FAM53B: variants seen among roughly 807,000 people sequenced by gnomAD.
The protein encoded by FAM53B is family with sequence similarity 53 member B.
A neutral mutation model predicts 32.7 loss-of-function variants in FAM53B; 12 were observed. The ratio of observed to expected loss-of-function variants is 0.37; its 90% CI spans 0.24 to 0.59. The LOEUF (loss-of-function observed/expected upper bound fraction) is 0.59. FAM53B is among the 20% of genes least tolerant of loss of function. FAM53B has a pLI of 0.72. For missense variants in FAM53B, 477 were observed against 577.7 expected, an observed-to-expected ratio of 0.83 and a Z score of 1.79; for synonymous variants, 234 against 228.7, an observed-to-expected ratio of 1.02 and a Z score of -0.21.
intron 3 of FAM53B, among the ~76,000 whole-genome samples, chr10:124,689,650 AAAG>A (rs1363330594): frequency 1.5e-4 from 23 of 152,360 alleles, no homozygotes; most frequent in Non-Finnish European, 2.8e-4. Context: ...GGGAGGTGAC[AAAG>A]AAGCTACTAA....
intron 4 of FAM53B, among the ~76,000 whole-genome samples, chr10:124,652,784 A>C (rs1275294362): frequency 6.6e-6 from 1 of 152,188 alleles, no homozygotes; most frequent in Non-Finnish European, 1.5e-5. Flanking sequence ...GGAAGGTAGC[A>C]AGAGTACCCA....
intron 4 of FAM53B, among the ~76,000 whole-genome samples, chr10:124,643,797 C>A (rs1212013441): frequency 6.6e-6 from 1 of 152,194 alleles, no homozygotes; most frequent in East Asian, 1.9e-4. Context: ...TGAGGCACAG[C>A]GGTGCACGCT....
chr10:124,631,423 C>A (rs3781470), intron 4 of FAM53B, among the ~76,000 whole-genome samples: 59,190 of 152,024 alleles, frequency 0.39, 11,663 homozygotes, highest in South Asian at 0.47. Context: ...CCTACTATCT[C>A]CCCTGCCAGA....
intron 4 of FAM53B, among the ~76,000 whole-genome samples, chr10:124,633,531 G>A (rs560247444): frequency 1.1e-4 from 16 of 152,278 alleles, no homozygotes; most frequent in Middle Eastern, 3.4e-3. Flanking sequence ...AGACTAGCCC[G>A]TACCATATAA....
At chr10:124,633,962 T>C (rs1949409519) in intron 4 of FAM53B, among the ~76,000 whole-genome samples, 1 of 152,208 alleles carries the variant, frequency 6.6e-6, no homozygotes, top group African/African-American at 2.4e-5. Flanking sequence ...CCAAAAGCAC[T>C]GGTAGGAATG....
At chr10:124,719,721 A>C (rs1367774983) in intron 1 of FAM53B, among the ~76,000 whole-genome samples, 1 of 152,028 alleles carries the variant, frequency 6.6e-6, no homozygotes, top group Admixed American at 6.6e-5. Flanking sequence ...CAGCAGCAAA[A>C]CTCTAAAGCC....
rs1164777716 is a variant in FAM53B, at chr10:124,620,031, GGTTT to G, written c.*3207_*3210del. 2 of 152,318 alleles carry G rather than the reference GGTTT, an allele frequency of 1.3e-5. No individual in the cohort carries two copies. The highest frequency in any genetic ancestry group is 6.5e-5 in the Admixed American group (1 of 15,272). The allele number at this position is 152,318 out of a possible 1,614,324, so 9.4% of individuals were successfully genotyped here. ...GGAGACCCATTTGGAAGTTAGTTAG[GGTTT>G]GTTTTGTTTTCTTTTTAATGTGGAC... On this transcript the variant is annotated 3_prime_UTR_variant, in exon 5 of 5. Transcript: ENST00000337318.
chr10:124,681,534 T>A, intron 4 of FAM53B, 73 bp downstream of exon 4: 4 of 1,351,208 alleles, frequency 3.0e-6, no homozygotes, highest in Non-Finnish European at 4.0e-6. Context: ...AATCTATGCT[T>A]GTCTAGGACG....
chr10:124,645,704 G>A (rs953443934), intron 4 of FAM53B, among the ~76,000 whole-genome samples: 3 of 152,180 alleles, frequency 2.0e-5, no homozygotes, highest in Non-Finnish European at 4.4e-5. Flanking sequence ...CCTCATTCGA[G>A]GGGCTCAGGA....
At chr10:124,718,445 C>G (rs1040396563) in intron 1 of FAM53B, among the ~76,000 whole-genome samples, 3 of 152,220 alleles carry the variant, frequency 2.0e-5, no homozygotes, top group Admixed American at 1.3e-4. Flanking sequence ...ACCACACATT[C>G]GAGAATGCCA....
intron 1 of FAM53B, among the ~76,000 whole-genome samples, chr10:124,713,214 T>C (rs1487310531): frequency 6.6e-6 from 1 of 152,228 alleles, no homozygotes; most frequent in Non-Finnish European, 1.5e-5. Context: ...GCATTATGGT[T>C]GGTAGTATGC....
intron 1 of FAM53B, among the ~76,000 whole-genome samples, chr10:124,721,123 G>C (rs1264531338): frequency 1.3e-5 from 2 of 152,236 alleles, no homozygotes; most frequent in Non-Finnish European, 2.9e-5. Context: ...GATCGCTTGA[G>C]TCCGAGAAGC....
Position 124,717,818 on chromosome 10 carries a change from T to C in FAM53B, c.-174-10931A>G, listed in dbSNP as rs922800965. Among the ~76,000 whole-genome samples the C allele has an allele frequency of 7.2e-5, 11 of 152,332 alleles. No homozygotes were observed. In the East Asian group the frequency reaches 7.7e-4, roughly 11 times the overall value. ...CCAGGAAGTTAGCCAGTGACCAGTTTTGACATCTTCATCTTCTAGGACAAC... is the reference window on the plus strand; with the variant it reads ...CCAGGAAGTTAGCCAGTGACCAGTTCTGACATCTTCATCTTCTAGGACAAC... On this transcript the variant is annotated intron_variant, in intron 1 of 4. Transcript: ENST00000337318.
chr10:124,696,718 G>T (rs570581903), intron 2 of FAM53B, among the ~76,000 whole-genome samples: 2 of 152,138 alleles, frequency 1.3e-5, no homozygotes, highest in African/African-American at 2.4e-5. Flanking sequence ...GGAGAGCTCG[G>T]AAGGGCTGGC....
intron 4 of FAM53B, among the ~76,000 whole-genome samples, chr10:124,635,770 G>A (rs1027372906): frequency 4.6e-5 from 7 of 152,188 alleles, no homozygotes; most frequent in East Asian, 1.9e-4. Context: ...GAAGCAGCCC[G>A]GAGGAGTCGG....
At chr10:124,662,805 C>G (rs2134057756) in intron 4 of FAM53B, among the ~76,000 whole-genome samples, 1 of 152,318 alleles carries the variant, frequency 6.6e-6, no homozygotes, top group East Asian at 1.9e-4. Flanking sequence ...GCCTGGGTGA[C>G]AGAGCAAGAT....
intron 3 of FAM53B, among the ~76,000 whole-genome samples, chr10:124,684,710 G>T (rs1223225311): frequency 6.6e-6 from 1 of 151,958 alleles, no homozygotes; most frequent in East Asian, 1.9e-4. Context: ...GTAGACATGG[G>T]GTTTCACCAT....
Position 124,681,833 on chromosome 10 carries a change from C to T in FAM53B, c.680G>A (p.Arg227Gln), listed in dbSNP as rs750377831. 38 of 1,611,566 alleles carry T rather than the reference C, an allele frequency of 2.4e-5. No homozygotes were observed. Among genetic ancestry groups the T allele is most frequent in the Admixed American group, 5.0e-5 (3 of 59,690 alleles). The change falls in exon 4 of 5, where the codon CGG becomes CAG. Residue 227 changes from arginine (R) to glutamine (Q), a missense_variant. Coordinates refer to ENST00000337318, the MANE Select transcript of FAM53B (RefSeq NM_014661.4). Reference protein sequence around the residue: ...PVGGGRLDLQRSLSCSHEQFS... With the variant: ...PVGGGRLDLQQSLSCSHEQFS... ...CTGCTCATGTGAGCAAGAGAGGGAC[C>T]GCTGCAGGTCCAGCCGGCCTCCTCC...
intron 3 of FAM53B, among the ~76,000 whole-genome samples, chr10:124,686,459 T>C (rs755036663): frequency 5.9e-5 from 9 of 152,220 alleles, no homozygotes; most frequent in Non-Finnish European, 1.3e-4. Context: ...CAAAGAACAT[T>C]CCACACCTTT....
Sources: gnomAD v4.1 joint callset for allele counts (sites outside exome capture counted in the v4.1 genomes callset) on GRCh38, gnomAD v4.1.1 for gene constraint, MANE v1.5 for transcripts, NCBI Gene and HGNC (gene_info 2026-07-23, HGNC 2026-07-21) for gene names.